KIAA1614: variants seen among roughly 807,000 people sequenced by gnomAD.
KIAA1614 encodes the protein KIAA1614.
KIAA1614 carries 76 observed loss-of-function variants against 88.7 expected under a neutral mutation model. That is an observed-to-expected ratio of 0.86 (90% CI 0.71 to 1.04). The LOEUF is 1.04. KIAA1614 is among the 50% of genes least tolerant of loss of function. The probability of loss-of-function intolerance (pLI) is 0.00; values close to 1 mark genes in which losing one functional copy is unlikely to be tolerated. For synonymous variants in KIAA1614, 714 were observed against 675.5 expected (o/e 1.06, Z -0.88); for missense variants, 1,553 against 1,582.5 (o/e 0.98, Z 0.32).
Position 180,938,711 on chromosome 1 carries a change from G to A in KIAA1614, c.2918G>A (p.Arg973Lys), listed in dbSNP as rs1654387799. The change falls in exon 6 of 9, where the codon AGA (arginine) becomes AAA (lysine). Residue 973 changes from arginine (R) to lysine (K), a missense_variant and splice_region_variant. Physicochemically the swap from Arg to Lys is conservative, Grantham distance 26 (BLOSUM62 2). Coordinates refer to ENST00000367588, the MANE Select transcript of KIAA1614 (RefSeq NM_020950.2). ...GGATCTGGAGGACATGTGCTGTCAA[G>A]GTGAGTGACAGGAGAAAGAGCCAGA... is the stretch of plus-strand genomic sequence containing the variant. ...GSGSGGHVLSRASAGAGTGPG... is the reference protein window; with the variant it reads ...GSGSGGHVLSKASAGAGTGPG... The A allele has an allele frequency of 1.2e-6, 2 of 1,613,408 alleles. No homozygotes were observed. Among genetic ancestry groups the A allele is most frequent in the East Asian group, 2.2e-5 (1 of 44,878 alleles).
chr1:180,936,237 C>G lies in KIAA1614; in HGVS notation c.2328C>G (p.Val776=), dbSNP rs368210268. 6.2e-7 allele frequency: 1 copy of G among 1,614,080 alleles called. No individual in the cohort carries two copies. The highest frequency in any genetic ancestry group is 2.2e-5 in the East Asian group (1 of 44,902). ...VTESHESLEI[V]SPSSLQQSHA... ...AAAGCCACGAGTCCCTGGAAATTGT[C>G]TCTCCTTCCTCCCTGCAACAGAGCC... Residue 776 remains valine, a synonymous_variant, in exon 5 of 9, where the codon GTC becomes GTG. Coordinates refer to ENST00000367588, the MANE Select transcript of KIAA1614 (RefSeq NM_020950.2).
At position 180,950,174 on chromosome 1, in the gene KIAA1614, A is replaced by C. The variant is rs151185814; in HGVS notation, c.*4586A>C. The C allele has an allele frequency of 7.3e-4, 160 of 217,936 alleles. 6 individuals are homozygous for C. In the East Asian group the frequency reaches 0.026, roughly 36 times the overall value. 13.5% of individuals were successfully genotyped at this position (217,936 alleles called of 1,614,324 possible). A position where few individuals can be genotyped will look rare whatever the true frequency, so the allele number is the denominator to read the frequency against. On this transcript the variant is annotated 3_prime_UTR_variant, in exon 9 of 9. Coordinates refer to ENST00000367588, the MANE Select transcript of KIAA1614 (RefSeq NM_020950.2). The stretch of plus-strand genomic sequence containing the variant: ...AAAGCCAGTTGTGGTTGTGAGATGG[A>C]ATAATGAGGGGTGTGTGTATGTGTG...
At chr1:180,942,069 C>A (rs1051579218) in intron 7 of KIAA1614, among the ~76,000 whole-genome samples, 1 of 151,384 alleles carries the variant, frequency 6.6e-6, no homozygotes, top group African/African-American at 2.4e-5. Flanking sequence ...CCCCACCCCC[C>A]CAGCCCCGCT....
At chr1:180,940,128 G>A (rs1654423432) in intron 6 of KIAA1614, among the ~76,000 whole-genome samples, 2 of 152,248 alleles carry the variant, frequency 1.3e-5, no homozygotes, top group Admixed American at 6.5e-5. Flanking sequence ...ATAAGCTCCT[G>A]AGAGTAGGCA....
At chr1:180,944,863 C>T in intron 8 of KIAA1614, 1 of 252,474 alleles carries the variant, frequency 4.0e-6, no homozygotes, top group Non-Finnish European at 7.5e-6. Context: ...CACATAGAGA[C>T]AGAGGCCCCC....
At chr1:180,918,363 G>T (rs1051799468) in intron 3 of KIAA1614, among the ~76,000 whole-genome samples, 2 of 152,180 alleles carry the variant, frequency 1.3e-5, no homozygotes, top group Non-Finnish European at 2.9e-5. Flanking sequence ...CTGGGATCAT[G>T]TCAAAGATTT....
At chr1:180,919,624 A>G (rs1049460624) in intron 3 of KIAA1614, among the ~76,000 whole-genome samples, 6 of 152,156 alleles carry the variant, frequency 3.9e-5, no homozygotes, top group African/African-American at 1.4e-4. Flanking sequence ...CAGTGGGGAG[A>G]TGCAGCCACT....
chr1:180,918,415 G>A (rs931159082), intron 3 of KIAA1614, among the ~76,000 whole-genome samples: 1 of 152,198 alleles, frequency 6.6e-6, no homozygotes, highest in African/African-American at 2.4e-5. Context: ...CTTCGCTCCA[G>A]CCCCTCCACC....
rs1038376260 is a variant in KIAA1614, at chr1:180,949,390, T to A, written c.*3802T>A. The A allele has an allele frequency of 2.0e-5, 3 of 152,286 alleles. No individual in the cohort carries two copies. The highest frequency in any genetic ancestry group is 7.2e-5 in the African/African-American group (3 of 41,462). 9.4% of individuals were successfully genotyped at this position (152,286 alleles called of 1,614,324 possible). ...GCCCTGGGAGAGCCAGCACCTCACT[T>A]ACTCTCCCAGGTGGGAGCAGCTGGA... On this transcript the variant is annotated 3_prime_UTR_variant, in exon 9 of 9. Coordinates refer to ENST00000367588, the MANE Select transcript of KIAA1614 (RefSeq NM_020950.2).
At chr1:180,914,366 C>G (rs1171600659) in intron 1 of KIAA1614, among the ~76,000 whole-genome samples, 1 of 152,168 alleles carries the variant, frequency 6.6e-6, no homozygotes, top group African/African-American at 2.4e-5. Context: ...GGGGATGGAA[C>G]ATTATCATTT....
rs748666074 is a variant in KIAA1614 at position 180,935,542 on chromosome 1, G to A, written c.1633G>A (p.Asp545Asn). 3 of 1,578,940 alleles carry A rather than the reference G, an allele frequency of 1.9e-6. No individual in the cohort carries two copies. Among genetic ancestry groups the A allele is most frequent in the African/African-American group, 1.4e-5 (1 of 73,918 alleles). ...CCAGGCCTGCGGCAGCTGCATCGAC[G>A]ACCCGCGCCCCGCCCAGGGGAAGGC... is the stretch of plus-strand genomic sequence containing the variant. ...RCQACGSCID[D>N]PRPAQGKAPP... The change falls in exon 5 of 9, where the codon GAC becomes AAC. Residue 545 changes from aspartate to asparagine, a missense_variant. Transcript: ENST00000367588. This position sits in a 1 kb window ranked among gnomAD's most constrained non-coding sequence, Gnocchi z 6.1.
At chr1:180,924,573 T>A (rs1362736905) in intron 3 of KIAA1614, among the ~76,000 whole-genome samples, 16 of 152,216 alleles carry the variant, frequency 1.1e-4, no homozygotes, top group African/African-American at 2.4e-5. Context: ...CCACTCCTCC[T>A]TCTCCATTGA....
intron 5 of KIAA1614, 107 bp from the exon 6 acceptor site, chr1:180,938,448 C>T: frequency 2.3e-6 from 3 of 1,281,980 alleles, no homozygotes; most frequent in South Asian, 2.9e-5. Context: ...AGCTCCACCT[C>T]TCCAGCTTCT....
intron 7 of KIAA1614, among the ~76,000 whole-genome samples, chr1:180,941,976 A>G (rs1654477940): frequency 6.6e-6 from 1 of 151,680 alleles, no homozygotes; most frequent in Non-Finnish European, 1.5e-5. Flanking sequence ...GCAAATGCCC[A>G]CTCATCCATC....
At chr1:180,934,771 C>T (rs992126544) in intron 4 of KIAA1614, among the ~76,000 whole-genome samples, 58 of 152,282 alleles carry the variant, frequency 3.8e-4, no homozygotes, top group African/African-American at 1.3e-3. Context: ...CACACACAGA[C>T]GCCGCACCAC....
At chr1:180,941,006 G>GGCCGCC in intron 6 of KIAA1614, 39 bp from the exon 7 acceptor site, 1 of 908,444 alleles carries the variant, frequency 1.1e-6, no homozygotes, top group Non-Finnish European at 1.5e-6. Context: ...CACCCTCCCG[G>GGCCGCC]CCCTCCCCCG....
intron 6 of KIAA1614, 74 bp downstream of exon 6, chr1:180,938,785 C>A: frequency 6.8e-7 from 1 of 1,466,578 alleles, no homozygotes; most frequent in Non-Finnish European, 9.4e-7. Context: ...CAGAGACCCC[C>A]TGGAGTGGTG....
Position 180,945,592 on chromosome 1 carries a change from G to T in KIAA1614, c.*4G>T. 6.2e-7 allele frequency: 1 copy of T among 1,600,134 alleles called. No individual in the cohort carries two copies. The highest frequency in any genetic ancestry group is 8.5e-7 in the Non-Finnish European group (1 of 1,176,360). On this transcript the variant is annotated 3_prime_UTR_variant, in exon 9 of 9. Transcript: ENST00000367588. Reference sequence around the variant, plus strand: ...GGCTTTTCTGGTCTTTGGCTGAGCCGTGCAGCTCTGGGAATTCAGAAAGCC... The same window carrying T: ...GGCTTTTCTGGTCTTTGGCTGAGCCTTGCAGCTCTGGGAATTCAGAAAGCC...
intron 7 of KIAA1614, 115 bp downstream of exon 7, chr1:180,941,400 T>G: frequency 2.3e-6 from 3 of 1,296,044 alleles, no homozygotes; most frequent in Non-Finnish European, 3.2e-6. Context: ...GAGCCCACAG[T>G]AGGGAGACGG....
Sources: gnomAD v4.1 joint callset for allele counts (sites outside exome capture counted in the v4.1 genomes callset) on GRCh38, gnomAD v4.1.1 for gene constraint, Gnocchi (gnomAD v3.1) non-coding constraint, MANE v1.5 for transcripts, NCBI Gene and HGNC (gene_info 2026-07-23, HGNC 2026-07-21) for gene names.